DLG2: variants seen among roughly 807,000 people sequenced by gnomAD.
DLG2 encodes the protein discs large MAGUK scaffold protein 2, also known as disks large homolog 2.
In DLG2, 45 loss-of-function variants were observed where a neutral mutation model predicts 132.5. That is an observed-to-expected ratio of 0.34 (90% CI 0.27 to 0.44). The LOEUF (loss-of-function observed/expected upper bound fraction) is 0.44. Ranked by LOEUF, DLG2 falls within the 20% of genes least tolerant of loss-of-function variation. The probability of loss-of-function intolerance (pLI) is 1.00; values close to 1 mark genes in which losing one functional copy is unlikely to be tolerated. For synonymous variants in DLG2, 424 were observed against 419.6 expected (o/e 1.01, Z -0.13); for missense variants, 1,045 against 1,196.9 (o/e 0.87, Z 1.87).
chr11:85,610,944 G>C (rs1162535972), intron 2 of DLG2, among the ~76,000 whole-genome samples: 1 of 152,158 alleles, frequency 6.6e-6, no homozygotes, highest in Non-Finnish European at 1.5e-5. Context: ...TCTAATCAAG[G>C]AGCCCCAGAG....
chr11:84,532,116 C>CTTTTTTTTTTTTTTTTTTTTTTTTTTTT (rs1565211965), intron 7 of DLG2, among the ~76,000 whole-genome samples: 1 of 69,918 alleles, frequency 1.4e-5, no homozygotes, highest in African/African-American at 4.7e-5. Context: ...TTGTTCTGTT[C>CTTTTTTTTTTTTTTTTTTTTTTTTTTTT]ATTTTTTTTT....
intron 10 of DLG2, among the ~76,000 whole-genome samples, chr11:84,093,366 T>C (rs1164095518): frequency 6.6e-6 from 1 of 152,150 alleles, no homozygotes; most frequent in African/African-American, 2.4e-5. Context: ...TCTCATTCTT[T>C]CTCACATGGC....
chr11:85,176,964 T>A (rs1400250187), intron 4 of DLG2, among the ~76,000 whole-genome samples: 1 of 152,080 alleles, frequency 6.6e-6, no homozygotes, highest in African/African-American at 2.4e-5. Context: ...CAACAGATGC[T>A]GGCTTGGTTG....
intron 8 of DLG2, among the ~76,000 whole-genome samples, chr11:84,231,250 T>C (rs557626486): frequency 1.3e-5 from 2 of 152,184 alleles, no homozygotes; most frequent in Non-Finnish European, 2.9e-5. Context: ...CCTCAAGCTA[T>C]GATGTTAGAA....
chr11:84,570,912 G>A (rs1012665762), intron 6 of DLG2, among the ~76,000 whole-genome samples: 9 of 152,116 alleles, frequency 5.9e-5, no homozygotes, highest in Admixed American at 2.0e-4. Flanking sequence ...TTATCTTTGT[G>A]ACTCAAAGCT....
At chr11:84,749,428 G>C (rs1470810749) in intron 6 of DLG2, among the ~76,000 whole-genome samples, 1 of 152,118 alleles carries the variant, frequency 6.6e-6, no homozygotes, top group Admixed American at 6.5e-5. Flanking sequence ...GGTCTCATAA[G>C]ATTATAATAC....
intron 18 of DLG2, among the ~76,000 whole-genome samples, chr11:83,740,324 A>T (rs2092401851): frequency 6.6e-6 from 1 of 152,192 alleles, no homozygotes; most frequent in Non-Finnish European, 1.5e-5. Context: ...TACAACACTA[A>T]AAATGAATGA....
intron 19 of DLG2, among the ~76,000 whole-genome samples, chr11:83,603,291 C>T (rs960776292): frequency 6.6e-6 from 1 of 152,136 alleles, no homozygotes; most frequent in African/African-American, 2.4e-5. Flanking sequence ...ATAAGTAACT[C>T]TCCTGAAATT....
chr11:83,900,435 A>T (rs1048915872), intron 15 of DLG2, among the ~76,000 whole-genome samples: 1 of 152,098 alleles, frequency 6.6e-6, no homozygotes, highest in Non-Finnish European at 1.5e-5. Context: ...AAGAGAAAAA[A>T]GTGGTTTTGT....
At chr11:84,836,934 T>C (rs2079877918) in intron 6 of DLG2, among the ~76,000 whole-genome samples, 1 of 151,892 alleles carries the variant, frequency 6.6e-6, no homozygotes. Flanking sequence ...GATGTATACA[T>C]GTGCCATGTT....
intron 4 of DLG2, among the ~76,000 whole-genome samples, chr11:85,231,413 G>T (rs1391539712): frequency 2.0e-5 from 3 of 151,798 alleles, no homozygotes; most frequent in Non-Finnish European, 4.4e-5. Context: ...CTTTTTTAAG[G>T]TTTCCCATTT....
intron 3 of DLG2, among the ~76,000 whole-genome samples, chr11:85,523,651 C>T (rs2074500144): frequency 6.6e-6 from 1 of 152,266 alleles, no homozygotes; most frequent in Non-Finnish European, 1.5e-5. Context: ...TTAGTAGAAT[C>T]ACCATGGAGA....
At chr11:83,703,416 G>A (rs1159182042) in intron 18 of DLG2, among the ~76,000 whole-genome samples, 2 of 152,204 alleles carry the variant, frequency 1.3e-5, no homozygotes, top group Non-Finnish European at 2.9e-5. Flanking sequence ...TTGGGAGGTC[G>A]AGGCAGGTGG....
chr11:85,272,924 G>C (rs922729599), intron 4 of DLG2, among the ~76,000 whole-genome samples: 2 of 152,056 alleles, frequency 1.3e-5, no homozygotes, highest in Non-Finnish European at 2.9e-5. Flanking sequence ...CAATGAAACA[G>C]AACAGAGCCC....
At chr11:83,927,575 C>T (rs1323664783) in intron 15 of DLG2, among the ~76,000 whole-genome samples, 1 of 152,068 alleles carries the variant, frequency 6.6e-6, no homozygotes, top group Non-Finnish European at 1.5e-5. Context: ...ATGTGGTCAG[C>T]AAAGGGAAGA....
At chr11:85,494,063 A>T (rs1301775594) in intron 3 of DLG2, among the ~76,000 whole-genome samples, 1 of 152,022 alleles carries the variant, frequency 6.6e-6, no homozygotes, top group East Asian at 1.9e-4. Context: ...TGCTTCCTTC[A>T]ATCTTGACCC....
At chr11:84,973,616 A>G (rs1197069574) in intron 6 of DLG2, among the ~76,000 whole-genome samples, 1 of 152,198 alleles carries the variant, frequency 6.6e-6, no homozygotes, top group Non-Finnish European at 1.5e-5. Flanking sequence ...TTTGAGGAAA[A>G]TGTCTTATAC....
intron 7 of DLG2, among the ~76,000 whole-genome samples, chr11:84,497,108 G>A (rs959357844): frequency 1.3e-5 from 2 of 152,112 alleles, no homozygotes; most frequent in African/African-American, 4.8e-5. Flanking sequence ...GTTTAACTCT[G>A]TCATGTAGAT....
At chr11:83,494,553 CT>C (rs751725594) in intron 21 of DLG2, among the ~76,000 whole-genome samples, 1,383 of 134,554 alleles carry the variant, frequency 0.01, 2 homozygotes, top group South Asian at 0.01. Context: ...CTGCCTATTT[CT>C]TTTTTTTTTT....
Sources: allele counts gnomAD v4.1 joint callset (sites outside exome capture counted in the v4.1 genomes callset), GRCh38; gene constraint gnomAD v4.1.1; transcripts MANE v1.5; gene names NCBI Gene and HGNC (gene_info 2026-07-23, HGNC 2026-07-21).